FOXP1: variants seen among roughly 807,000 people sequenced by gnomAD.
The protein encoded by FOXP1 is forkhead box protein P1.
FOXP1 carries 15 observed loss-of-function variants against 98.2 expected under a neutral mutation model. The observed-to-expected ratio is 0.15, with a 90% confidence interval of 0.10 to 0.24. The LOEUF is 0.24. Ranked by LOEUF, FOXP1 falls within the 10% of genes least tolerant of loss-of-function variation. FOXP1 has a pLI of 1.00. For synonymous variants in FOXP1, 371 were observed against 314.5 expected, an observed-to-expected ratio of 1.18 and a Z score of -1.90; for missense variants, 633 against 848.5, an observed-to-expected ratio of 0.75 and a Z score of 3.15.
At chr3:71,465,932 A>AGGTT (rs2088676452) in intron 3 of FOXP1, among the ~76,000 whole-genome samples, 11 of 152,180 alleles carry the variant, frequency 7.2e-5, no homozygotes, top group Non-Finnish European at 1.3e-4. Flanking sequence ...TGAGAACCTA[A>AGGTT]CTAATGCCTG....
intron 5 of FOXP1, among the ~76,000 whole-genome samples, chr3:71,294,392 C>T (rs1036315833): frequency 6.6e-6 from 1 of 152,158 alleles, no homozygotes; most frequent in African/African-American, 2.4e-5. Flanking sequence ...ATTCCCGACA[C>T]CCTGGACTCC....
chr3:71,017,958 A>C (rs1426743303), intron 11 of FOXP1, among the ~76,000 whole-genome samples: 1 of 152,188 alleles, frequency 6.6e-6, no homozygotes, highest in East Asian at 1.9e-4. Flanking sequence ...TGATTTTTTC[A>C]ATTTGGAAAC....
chr3:71,059,183 A>T (rs2051124565), intron 7 of FOXP1, among the ~76,000 whole-genome samples: 1 of 152,192 alleles, frequency 6.6e-6, no homozygotes, highest in South Asian at 2.1e-4. Context: ...CATTCTATCA[A>T]GAAAGGCTAT....
chr3:71,510,835 T>C (rs2042154748), intron 2 of FOXP1, among the ~76,000 whole-genome samples: 1 of 152,274 alleles, frequency 6.6e-6, no homozygotes, highest in Non-Finnish European at 1.5e-5. Flanking sequence ...AAGGTCATTT[T>C]TAAAAAATCA....
At chr3:71,465,161 G>T (rs935134449) in intron 3 of FOXP1, among the ~76,000 whole-genome samples, 1 of 152,040 alleles carries the variant, frequency 6.6e-6, no homozygotes, top group African/African-American at 2.4e-5. Flanking sequence ...TACAAAATTA[G>T]CTGGGCGTGG....
Position 71,053,702 on chromosome 3 carries a change from TTGC to T in FOXP1, c.351_353del (p.Gln119del). 1 of 1,614,066 alleles carries T rather than the reference TTGC, an allele frequency of 6.2e-7. No individual in the cohort carries two copies. The highest frequency in any genetic ancestry group is 8.5e-7 in the Non-Finnish European group (1 of 1,179,988). On this transcript the variant is annotated inframe_deletion, in exon 8 of 21. Transcript: ENST00000649528. ...GGAGCTGCTGAGGGCTCAGCACTTGTTGCTGGAGGATCTGCTGCATTTGCTGGG... is the reference window on the plus strand; with the variant it reads ...GGAGCTGCTGAGGGCTCAGCACTTGTTGGAGGATCTGCTGCATTTGCTGGG...
At chr3:71,145,136 C>T (rs1352686277) in intron 6 of FOXP1, among the ~76,000 whole-genome samples, 4 of 152,176 alleles carry the variant, frequency 2.6e-5, no homozygotes, top group Non-Finnish European at 5.9e-5. Context: ...CTTCCACAAA[C>T]CTTAGCCTAT....
At chr3:71,456,184 T>C (rs369322911) in intron 3 of FOXP1, among the ~76,000 whole-genome samples, 1 of 152,178 alleles carries the variant, frequency 6.6e-6, no homozygotes, top group Non-Finnish European at 1.5e-5. Flanking sequence ...TGGGGCATAC[T>C]TTTTGAAACC....
At chr3:70,969,454 A>G (rs2035710804) in intron 19 of FOXP1, 1 of 152,202 alleles carries the variant, frequency 6.6e-6, no homozygotes, top group Admixed American at 6.5e-5. Context: ...TAAATGGCCT[A>G]TCATCAATTC....
intron 4 of FOXP1, among the ~76,000 whole-genome samples, chr3:71,324,696 C>A (rs557726925): frequency 2.6e-5 from 4 of 152,166 alleles, no homozygotes; most frequent in African/African-American, 9.6e-5. Context: ...AGCACACCAA[C>A]ATGGCACATG....
At chr3:71,353,885 T>C (rs559518421) in intron 4 of FOXP1, among the ~76,000 whole-genome samples, 4 of 152,228 alleles carry the variant, frequency 2.6e-5, no homozygotes, top group Non-Finnish European at 4.4e-5. Context: ...GTGGAAGAAA[T>C]TGGTGTTAAT....
chr3:71,150,100 C>T (rs112099753), intron 6 of FOXP1, among the ~76,000 whole-genome samples: 5 of 152,196 alleles, frequency 3.3e-5, no homozygotes, highest in South Asian at 2.1e-4. Flanking sequence ...AATTGCTTGA[C>T]GCAGATTCTG....
chr3:71,000,822 A>AATAAAATAAAATAAC (rs2042033196), intron 13 of FOXP1, 150 bp downstream of exon 13: 2 of 302,126 alleles, frequency 6.6e-6, no homozygotes, highest in African/African-American at 4.5e-5. Context: ...AATAAAATAA[A>AATAAAATAAAATAAC]ATAAAATAAA....
chr3:71,583,004 T>G (rs746892443), intron 1 of FOXP1, among the ~76,000 whole-genome samples: 1 of 151,848 alleles, frequency 6.6e-6, no homozygotes, highest in Non-Finnish European at 1.5e-5. Context: ...TTGCTCCAAG[T>G]CTAAACTTTG....
intron 2 of FOXP1, among the ~76,000 whole-genome samples, chr3:71,540,603 G>A (rs2044723785): frequency 6.6e-6 from 1 of 152,140 alleles, no homozygotes; most frequent in Non-Finnish European, 1.5e-5. Flanking sequence ...TTAACTTCTT[G>A]GGACAACCTT....
chr3:71,236,176 T>G (rs2066755938), intron 5 of FOXP1, among the ~76,000 whole-genome samples: 1 of 152,220 alleles, frequency 6.6e-6, no homozygotes, highest in East Asian at 1.9e-4. Flanking sequence ...AAGCTGGGTA[T>G]AGAATAGAAA....
chr3:71,484,115 C>A (rs887349452), intron 3 of FOXP1, among the ~76,000 whole-genome samples: 1 of 152,162 alleles, frequency 6.6e-6, no homozygotes, highest in Non-Finnish European at 1.5e-5. Context: ...AAGCTGCCAC[C>A]ACACATACAC....
At chr3:70,976,905 C>G (rs1461776525) in intron 17 of FOXP1, 36 bp downstream of exon 17, 1 of 1,454,230 alleles carries the variant, frequency 6.9e-7, no homozygotes, top group East Asian at 2.3e-5. Context: ...CTATGAACGT[C>G]AAGATCCAAG....
chr3:71,564,065 A>T (rs2046735161), intron 2 of FOXP1, among the ~76,000 whole-genome samples: 2 of 152,248 alleles, frequency 1.3e-5, no homozygotes, highest in South Asian at 4.1e-4. Context: ...TTGCACCTGC[A>T]CTAATTTCAG....
Sources: gnomAD v4.1 joint callset for allele counts (sites outside exome capture counted in the v4.1 genomes callset) on GRCh38, gnomAD v4.1.1 for gene constraint, MANE v1.5 for transcripts, NCBI Gene and HGNC (gene_info 2026-07-23, HGNC 2026-07-21) for gene names.